The following MYBPH variants were observed in gnomAD, a reference collection of about 807,000 sequenced individuals.
MYBPH encodes myosin-binding protein H.
In MYBPH, 49 loss-of-function variants were observed where a neutral mutation model predicts 53.6. The ratio of observed to expected loss-of-function variants is 0.91; its 90% CI spans 0.73 to 1.16. MYBPH has a LOEUF of 1.16. Among genes scored for constraint, MYBPH ranks in the 50% most tolerant of loss-of-function variants. The pLI, the probability that MYBPH is intolerant of heterozygous loss-of-function variation, is 0.00. For missense variants in MYBPH, 558 were observed against 624.1 expected (o/e 0.89, Z 1.13); for synonymous variants, 239 against 249.6 (o/e 0.96, Z 0.40).
chr1:203,168,451 C>A (rs774579441), intron 10 of MYBPH, among the ~76,000 whole-genome samples, 176 bp downstream of exon 10: 5 of 152,230 alleles, frequency 3.3e-5, no homozygotes, highest in Admixed American at 6.5e-5. Context: ...CATCGCCTGG[C>A]CCTGCAACAT....
upstream of MYBPH, chr1:203,178,928 A>T (rs1404839486): frequency 6.5e-6 from 1 of 153,064 alleles, no homozygotes; most frequent in African/African-American, 2.4e-5. Context: ...CAAAGCGCCA[A>T]CACACTGTTA....
At chr1:203,179,167 G>C (rs905993607), upstream of MYBPH, 4 of 290,620 alleles carry the variant, frequency 1.4e-5, no homozygotes, top group African/African-American at 2.2e-5. Context: ...CCCTTGCCAG[G>C]CTTGGGGATC....
At position 203,168,933 on chromosome 1, in the gene MYBPH, A is replaced by G. The variant is rs191708111; in HGVS notation, c.1390T>C (p.Ser464Pro). 31 of 1,613,980 alleles carry G rather than the reference A, an allele frequency of 1.9e-5. No homozygotes were observed. The highest frequency in any genetic ancestry group is 1.0e-4 in the Admixed American group (6 of 60,006). Reference sequence around the variant, plus strand: ...TTGACCTCCAGCCGGCAGTCCACAGATGCCTCCCCCAGCACATTTATGGCC... The same window carrying G: ...TTGACCTCCAGCCGGCAGTCCACAGGTGCCTCCCCCAGCACATTTATGGCC... The part of the protein sequence containing the change: ...CKAINVLGEA[S>P]VDCRLEVKAS... Residue 464 changes from serine to proline, a missense_variant, in exon 9 of 11, where the codon TCT becomes CCT. Ser to Pro is a moderately conservative substitution (Grantham distance 74). Coordinates refer to ENST00000255416, the MANE Select transcript of MYBPH (RefSeq NM_004997.3).
In MYBPH at chr1:203,171,091, G is replaced by A. The variant is rs141527755; in HGVS notation, c.903C>T (p.Tyr301=). Reference sequence around the variant, plus strand: ...TCTTTTTGTCTGCCTTCTGCACCATGTAGCCCAGGAGCTCTGTGTTGCCTG... The same window carrying A: ...TCTTTTTGTCTGCCTTCTGCACCATATAGCCCAGGAGCTCTGTGTTGCCTG... The part of the protein sequence containing the change: ...QDTGNTELLG[Y]MVQKADKKTG... The change falls in exon 6 of 11, where the codon TAC becomes TAT. Residue 301 remains tyrosine (Y), a synonymous_variant. Transcript: ENST00000255416. This position sits in a 1 kb window ranked among gnomAD's most constrained non-coding sequence, Gnocchi z 4.2. 1 of 1,609,230 alleles carries A rather than the reference G, an allele frequency of 6.2e-7. No individual in the cohort carries two copies. Among genetic ancestry groups the A allele is most frequent in the Non-Finnish European group, 8.5e-7 (1 of 1,178,290 alleles).
At position 203,171,863 on chromosome 1, in the gene MYBPH, C is replaced by A; in HGVS notation, c.597+89G>T. The A allele has an allele frequency of 2.3e-6, 2 of 878,702 alleles. No homozygotes were observed. 54.4% of individuals were successfully genotyped at this position (878,702 alleles called of 1,614,324 possible). ...CGTCTCGCTGGGTCTCAGCTGGACC[C>A]TTGGAGACCCTGCCATCTCCCAGGC... On this transcript the variant is annotated intron_variant, in intron 4 of 10. Coordinates refer to ENST00000255416, the MANE Select transcript of MYBPH (RefSeq NM_004997.3). The surrounding 1 kb of genome is among the most constrained non-coding windows in gnomAD (Gnocchi z 4.2).
chr1:203,172,379 ACT>A (rs1655717967), intron 3 of MYBPH, among the ~76,000 whole-genome samples: 1 of 151,710 alleles, frequency 6.6e-6, no homozygotes, highest in Admixed American at 6.6e-5. Flanking sequence ...GCCCCAGCTG[ACT>A]CTCTGTCTCC....
chr1:203,175,939 C>T (rs72739552), upstream of MYBPH: 1,109 of 613,508 alleles, frequency 1.8e-3, no homozygotes, highest in Non-Finnish European at 2.6e-3. Context: ...GGAGAGGCGC[C>T]CAGGCCAGGA....
Position 203,171,682 on chromosome 1 carries a change from A to C in MYBPH, c.598-104T>G. On this transcript the variant is annotated intron_variant, in intron 4 of 10. Transcript: ENST00000255416. This position sits in a 1 kb window ranked among gnomAD's most constrained non-coding sequence, Gnocchi z 4.2. ...AGCTGTTCTCGGGGAAGCCTGTCCC[A>C]CTGGCCCTTCTCAGGAGGGGCAGCA... 5 of 1,221,906 alleles carry C rather than the reference A, an allele frequency of 4.1e-6. No individual in the cohort carries two copies. Among genetic ancestry groups the C allele is most frequent in the Non-Finnish European group, 5.5e-6 (5 of 902,604 alleles). 75.7% of individuals were successfully genotyped at this position (1,221,906 alleles called of 1,614,324 possible).
chr1:203,171,522 C>A lies in MYBPH; in HGVS notation c.654G>T (p.Gln218His). 2 of 1,613,784 alleles carry A rather than the reference C, an allele frequency of 1.2e-6. No homozygotes were observed. Among genetic ancestry groups the A allele is most frequent in the Non-Finnish European group, 1.7e-6 (2 of 1,179,978 alleles). The stretch of plus-strand genomic sequence containing the variant: ...GGTCCCCGGTGCGCATGCTCACCCG[C>A]TGGCTGTCCAGGGCATGGCCGTTGT... The part of the protein sequence containing the change: ...WTHNGHALDS[Q>H]RVSMRTGDQD... The change falls in exon 5 of 11, where the codon CAG becomes CAT. Residue 218 changes from glutamine to histidine, a missense_variant. By Grantham distance (24) the Gln-to-His change is conservative (BLOSUM62 0). Transcript: ENST00000255416. The surrounding 1 kb of genome is among the most constrained non-coding windows in gnomAD (Gnocchi z 4.2).
Position 203,171,826 on chromosome 1 carries a change from G to A in MYBPH, c.597+126C>T. ...CCAATGAGTCATGTGCATGATTGCG[G>A]AAGGATGAAGCCGTCTCGCTGGGTC... On this transcript the variant is annotated intron_variant, in intron 4 of 10. Transcript: ENST00000255416. This position sits in a 1 kb window ranked among gnomAD's most constrained non-coding sequence, Gnocchi z 4.2. The A allele has an allele frequency of 1.4e-6, 1 of 728,188 alleles. No individual in the cohort carries two copies. The highest frequency in any genetic ancestry group is 2.1e-6 in the Non-Finnish European group (1 of 478,212). 45.1% of individuals were successfully genotyped at this position (728,188 alleles called of 1,614,324 possible). A position where few individuals can be genotyped will look rare whatever the true frequency, so the allele number is the denominator to read the frequency against.
At position 203,171,525 on chromosome 1, in the gene MYBPH, G is replaced by A. The variant is rs754297013; in HGVS notation, c.651C>T (p.Ser217=). The A allele has an allele frequency of 3.7e-6, 6 of 1,613,542 alleles. No homozygotes were observed. Among genetic ancestry groups the A allele is most frequent in the Non-Finnish European group, 5.1e-6 (6 of 1,179,982 alleles). Residue 217 remains serine, a synonymous_variant, in exon 5 of 11, where the codon AGC becomes AGT. Transcript: ENST00000255416. The surrounding 1 kb of genome is among the most constrained non-coding windows in gnomAD (Gnocchi z 4.2). Reference sequence around the variant, plus strand: ...CCCCGGTGCGCATGCTCACCCGCTGGCTGTCCAGGGCATGGCCGTTGTGGG... The same window carrying A: ...CCCCGGTGCGCATGCTCACCCGCTGACTGTCCAGGGCATGGCCGTTGTGGG... ...TWTHNGHALD[S]QRVSMRTGDQ... is the part of the protein sequence containing the mutation.
chr1:203,173,348 G>A (rs993932735), intron 3 of MYBPH, among the ~76,000 whole-genome samples: 1 of 152,218 alleles, frequency 6.6e-6, no homozygotes, highest in Non-Finnish European at 1.5e-5. Context: ...TAGAGCCAAA[G>A]GCTGGGAATT....
At chr1:203,168,159 G>C (rs1257318583) in intron 10 of MYBPH, 68 bp from the exon 11 acceptor site, 1 of 222,530 alleles carries the variant, frequency 4.5e-6, no homozygotes, top group African/African-American at 2.3e-5. Context: ...GAGAGGTGCA[G>C]AGTGGGGAGG....
chr1:203,168,976 A>C lies in MYBPH; in HGVS notation c.1347T>G (p.Ser449=). 2 of 1,613,944 alleles carry C rather than the reference A, an allele frequency of 1.2e-6. No homozygotes were observed. Among genetic ancestry groups the C allele is most frequent in the African/African-American group, 2.7e-5 (2 of 74,992 alleles). ...LEIRKPSPFD[S]GVYTCKAINV... ...TTATGGCCTTGCAGGTGTAGACCCC[A>C]GAATCAAAGGGGCTGGGTTTCCGGA... is the stretch of plus-strand genomic sequence containing the variant. Residue 449 remains serine, a synonymous_variant, in exon 9 of 11, where the codon TCT becomes TCG. Transcript: ENST00000255416.
chr1:203,170,944 C>G, intron 6 of MYBPH, 117 bp downstream of exon 6: 1 of 1,379,026 alleles, frequency 7.3e-7, no homozygotes, highest in Non-Finnish European at 9.7e-7. Context: ...GTCAGGTTAG[C>G]AGTGGGCAGA....
Position 203,171,310 on chromosome 1 carries a change from C to T in MYBPH, c.793+73G>A. On this transcript the variant is annotated intron_variant, in intron 5 of 10. Transcript: ENST00000255416. The surrounding 1 kb of genome is among the most constrained non-coding windows in gnomAD (Gnocchi z 4.2). ...CACTCCCTTGGCCTGCTCCCATCAG[C>T]CATCAGCTCTGGGATAGGAGGTTGG... The T allele has an allele frequency of 3.8e-6, 6 of 1,564,294 alleles. No individual in the cohort carries two copies. Among genetic ancestry groups the T allele is most frequent in the Non-Finnish European group, 3.5e-6 (4 of 1,152,034 alleles).
chr1:203,176,403 C>A (rs1655810627), upstream of MYBPH, among the ~76,000 whole-genome samples: 1 of 152,118 alleles, frequency 6.6e-6, no homozygotes, highest in East Asian at 1.9e-4. Context: ...AGCATTGGAA[C>A]CCCAGGAAGG....
chr1:203,174,386 T>C lies in MYBPH; in HGVS notation c.508+44A>G, dbSNP rs769911559. On this transcript the variant is annotated intron_variant, in intron 3 of 10. Transcript: ENST00000255416. ...GCCTCAGTTTCTCCATTAGATAAGG[T>C]GTTTGGGAAGGGCTGGGTAGCTGAA... is the stretch of plus-strand genomic sequence containing the variant. 4.6e-6 allele frequency: 7 copies of C among 1,521,588 alleles called. No individual in the cohort carries two copies. In the East Asian group the frequency reaches 1.6e-4, roughly 35 times the overall value. 94.3% of individuals were successfully genotyped at this position (1,521,588 alleles called of 1,614,324 possible).
intron 2 of MYBPH, 34 bp from the exon 3 acceptor site, chr1:203,174,631 A>T (rs199604586): frequency 4.8e-5 from 73 of 1,530,500 alleles, no homozygotes; most frequent in Non-Finnish European, 6.0e-5. Flanking sequence ...GGTCTTTGCA[A>T]TGTGGCCACA....
Sources: gnomAD v4.1 joint callset for allele counts (sites outside exome capture counted in the v4.1 genomes callset) on GRCh38, gnomAD v4.1.1 for gene constraint, Gnocchi (gnomAD v3.1) non-coding constraint, MANE v1.5 for transcripts, NCBI Gene and HGNC (gene_info 2026-07-23, HGNC 2026-07-21) for gene names.